The following SLC26A4 variants were observed in gnomAD, a reference collection of about 807,000 sequenced individuals.
SLC26A4 encodes the protein solute carrier family 26 member 4, also known as pendrin.
SLC26A4 carries 93 observed loss-of-function variants against 90.4 expected under a neutral mutation model. That is an observed-to-expected ratio of 1.03 (90% CI 0.87 to 1.22). SLC26A4 has a LOEUF of 1.22. SLC26A4 is among the 50% of genes most tolerant of loss of function. The pLI is 0.00. For missense variants in SLC26A4, 1,127 were observed against 946.2 expected, an observed-to-expected ratio of 1.19 and a Z score of -2.51; for synonymous variants, 393 against 354.6, an observed-to-expected ratio of 1.11 and a Z score of -1.22.
chr7:107,694,695 G>A lies in SLC26A4; in HGVS notation c.1416G>A (p.Trp472Ter). Residue 472 changes from tryptophan to a stop codon, truncating the protein, a stop_gained, in exon 12 of 21, where the codon TGG becomes TGA. Coordinates refer to ENST00000644269, the MANE Select transcript of SLC26A4 (RefSeq NM_000441.2). LOFTEE classifies it high-confidence loss of function. ...AGCTGTGTGACATTCCTCGTCTGTG[G>A]AGACAGAATAAGATTGATGCTGTAA... is the stretch of plus-strand genomic sequence containing the variant. Reference protein sequence around the residue: ...FMQLCDIPRLWRQNKIDAVIW... With the variant: ...FMQLCDIPRL The A allele has an allele frequency of 1.2e-6, 2 of 1,612,656 alleles. No individual in the cohort carries two copies. Among genetic ancestry groups the A allele is most frequent in the South Asian group, 1.1e-5 (1 of 91,052 alleles).
Position 107,715,577 on chromosome 7 carries a change from G to A in SLC26A4, c.*131G>A, listed in dbSNP as rs765359628. 6.5e-6 allele frequency: 5 copies of A among 774,830 alleles called. No individual in the cohort carries two copies. The African/African-American group carries it at 6.9e-5, about 11-fold the overall frequency. 48.0% of individuals were successfully genotyped at this position (774,830 alleles called of 1,614,324 possible). ...CCATTGAAAGAGAAGCACTAAGACT[G>A]CTTCTAGGCTTTATTTATAAAATAA... is the stretch of plus-strand genomic sequence containing the variant. On this transcript the variant is annotated 3_prime_UTR_variant, in exon 21 of 21. Coordinates refer to ENST00000644269, the MANE Select transcript of SLC26A4 (RefSeq NM_000441.2).
chr7:107,709,907 G>C, intron 18 of SLC26A4, 147 bp from the exon 19 acceptor site: 1 of 655,656 alleles, frequency 1.5e-6, no homozygotes, highest in Non-Finnish European at 2.7e-6. Flanking sequence ...GAGGTGGGGG[G>C]ATCACTTGAA....
Position 107,710,037 on chromosome 7 carries a change from G to A in SLC26A4, c.2090-17G>A, listed in dbSNP as rs750173671. 1.9e-6 allele frequency: 3 copies of A among 1,610,568 alleles called. No individual in the cohort carries two copies. The highest frequency in any genetic ancestry group is 2.5e-6 in the Non-Finnish European group (3 of 1,176,984). Reference sequence around the variant, plus strand: ...TTTTCCTAGGAACTAACAAAACATTGTGTCTTTCTTTTGAAGATTATGTGA... The same window carrying A: ...TTTTCCTAGGAACTAACAAAACATTATGTCTTTCTTTTGAAGATTATGTGA... On this transcript the variant is annotated splice_polypyrimidine_tract_variant and intron_variant, in intron 18 of 20. Transcript: ENST00000644269.
intron 19 of SLC26A4, among the ~76,000 whole-genome samples, chr7:107,711,872 A>G (rs1792200401): frequency 6.6e-6 from 1 of 152,214 alleles, no homozygotes; most frequent in African/African-American, 2.4e-5. Flanking sequence ...CATACTAGCT[A>G]AGAGAATTGG....
At position 107,661,607 on chromosome 7, in the gene SLC26A4, G is replaced by A. The variant is rs768659907; in HGVS notation, c.-3-32G>A. On this transcript the variant is annotated intron_variant, in intron 1 of 20. Coordinates refer to ENST00000644269, the MANE Select transcript of SLC26A4 (RefSeq NM_000441.2). This position sits in a 1 kb window ranked among gnomAD's most constrained non-coding sequence, Gnocchi z 5.1. ...CTCCGATCGTCCTCGCTTACCGCGT[G>A]TCCTCCCTCCTCGCTGTCCTCTGGC... 120 of 1,543,320 alleles carry A rather than the reference G, an allele frequency of 7.8e-5. No individual in the cohort carries two copies. In the African/African-American group the frequency reaches 1.4e-3, roughly 18 times the overall value.
In SLC26A4 at chr7:107,710,095, G is replaced by A. The variant is rs145805875; in HGVS notation, c.2131G>A (p.Asp711Asn). ...EKLEQCGFFD[D>N]NIRKDTFFLT... ...GCTGGAGCAATGCGGGTTCTTTGAC[G>A]ACAACATTAGAAAGGACACATTCTT... The change falls in exon 19 of 21, where the codon GAC (aspartate) becomes AAC (asparagine). Residue 711 changes from aspartate to asparagine, a missense_variant. Physicochemically the swap from Asp to Asn is conservative, Grantham distance 23 (BLOSUM62 1). Coordinates refer to ENST00000644269, the MANE Select transcript of SLC26A4 (RefSeq NM_000441.2). 5.0e-6 allele frequency: 8 copies of A among 1,611,584 alleles called. No individual in the cohort carries two copies. Among genetic ancestry groups the A allele is most frequent in the South Asian group, 1.1e-5 (1 of 91,022 alleles).
chr7:107,691,514 T>TATACACACACACAC (rs1417607238), intron 10 of SLC26A4, among the ~76,000 whole-genome samples: 56 of 131,040 alleles, frequency 4.3e-4, no homozygotes, highest in South Asian at 1.0e-3. Context: ...AATATATATA[T>TATACACACACACAC]ACACACACAC....
At chr7:107,679,202 G>T (rs1791107661) in intron 6 of SLC26A4, among the ~76,000 whole-genome samples, 1 of 152,086 alleles carries the variant, frequency 6.6e-6, no homozygotes, top group African/African-American at 2.4e-5. Flanking sequence ...GTCCACTTAG[G>T]GGTTGATTTC....
At chr7:107,709,304 G>A (rs1436980295) in intron 18 of SLC26A4, among the ~76,000 whole-genome samples, 2 of 152,162 alleles carry the variant, frequency 1.3e-5, no homozygotes, top group Non-Finnish European at 2.9e-5. Flanking sequence ...ACAGGGTCTT[G>A]CTCTGTCACC....
At chr7:107,675,574 CT>C (rs563755979) in intron 6 of SLC26A4, among the ~76,000 whole-genome samples, 2,942 of 130,948 alleles carry the variant, frequency 0.022, 89 homozygotes, top group African/African-American at 0.072. Context: ...TTCTTTCTTT[CT>C]TTTTTTTTTT....
chr7:107,690,207 C>T lies in SLC26A4; in HGVS notation c.1233C>T (p.Ala411=), dbSNP rs766572560. The change falls in exon 10 of 21, where the codon GCC becomes GCT. Residue 411 remains alanine (A), a synonymous_variant. Transcript: ENST00000644269. The part of the protein sequence containing the change: ...FVATTALSRT[A]VQESTGGKTQ... ...CCACCACTGCTCTTTCCCGCACGGC[C>T]GTCCAGGAGAGCACTGGAGGAAAGA... 192 of 1,610,542 alleles carry T rather than the reference C, an allele frequency of 1.2e-4. No individual in the cohort carries two copies. The highest frequency in any genetic ancestry group is 2.3e-4 in the Admixed American group (14 of 59,972).
At chr7:107,694,585 C>G in intron 11 of SLC26A4, 36 bp from the exon 12 acceptor site, 1 of 1,569,738 alleles carries the variant, frequency 6.4e-7, no homozygotes, top group Non-Finnish European at 8.8e-7. Flanking sequence ...AAAACCATTC[C>G]CTGAATAACA....
chr7:107,691,512 T>TAC (rs760010561), intron 10 of SLC26A4, among the ~76,000 whole-genome samples: 181 of 110,558 alleles, frequency 1.6e-3, no homozygotes, highest in African/African-American at 6.4e-3. Context: ...CAAATATATA[T>TAC]ATACACACAC....
intron 18 of SLC26A4, among the ~76,000 whole-genome samples, chr7:107,706,972 C>T (rs996527840): frequency 5.3e-5 from 8 of 152,022 alleles, no homozygotes; most frequent in Non-Finnish European, 8.8e-5. Flanking sequence ...AGTTTGAGAC[C>T]AGCCTGGCAA....
chr7:107,711,192 A>G (rs1204872776), intron 19 of SLC26A4, among the ~76,000 whole-genome samples: 1 of 152,122 alleles, frequency 6.6e-6, no homozygotes, highest in East Asian at 1.9e-4. Flanking sequence ...TAAAGAAAAA[A>G]AAACTGTTTA....
At chr7:107,710,239 C>T (rs771846814) in intron 19 of SLC26A4, 40 bp downstream of exon 19, 1 of 1,407,734 alleles carries the variant, frequency 7.1e-7, no homozygotes, top group South Asian at 1.2e-5. Context: ...CTTTTCTAAA[C>T]TATCATGATT....
chr7:107,681,052 C>T (rs971128699), intron 6 of SLC26A4, among the ~76,000 whole-genome samples: 2 of 152,086 alleles, frequency 1.3e-5, no homozygotes, highest in African/African-American at 4.8e-5. Flanking sequence ...TTCTTGTTAT[C>T]GTGTCTGCTG....
intron 19 of SLC26A4, among the ~76,000 whole-genome samples, chr7:107,710,648 C>A (rs1792159451): frequency 6.6e-6 from 1 of 152,146 alleles, no homozygotes; most frequent in Non-Finnish European, 1.5e-5. Context: ...AAAAATCAAG[C>A]CACAAAGAAG....
intron 2 of SLC26A4, 22 bp from the exon 3 acceptor site, chr7:107,663,274 C>T (rs1451286258): frequency 2.5e-6 from 4 of 1,613,916 alleles, no homozygotes; most frequent in African/African-American, 2.7e-5. Context: ...ATTGAAAACC[C>T]AGTTTTCTTG....
Sources: allele counts gnomAD v4.1 joint callset (sites outside exome capture counted in the v4.1 genomes callset), GRCh38; gene constraint gnomAD v4.1.1; non-coding constraint Gnocchi (gnomAD v3.1); transcripts MANE v1.5; gene names NCBI Gene and HGNC (gene_info 2026-07-23, HGNC 2026-07-21).